NT5DC3: variants seen among roughly 807,000 people sequenced by gnomAD.
NT5DC3 encodes the protein 5'-nucleotidase domain containing 3.
Under a neutral mutation model 67.8 loss-of-function variants are expected in NT5DC3, and 42 were observed. The observed-to-expected ratio is 0.62, with a 90% CI of 0.48 to 0.80. The LOEUF (loss-of-function observed/expected upper bound fraction) is 0.80. Ranked by LOEUF, NT5DC3 falls within the 30% of genes least tolerant of loss-of-function variation. NT5DC3 has a pLI of 0.00. For synonymous variants in NT5DC3, 237 were observed against 255.6 expected, an observed-to-expected ratio of 0.93 and a Z score of 0.69; for missense variants, 570 against 696.4, an observed-to-expected ratio of 0.82 and a Z score of 2.04.
chr12:103,798,982 C>T (rs4964806), intron 4 of NT5DC3, among the ~76,000 whole-genome samples: 41,416 of 152,012 alleles, frequency 0.27, 6,108 homozygotes, highest in East Asian at 0.58. Context: ...GAGGGAGGCA[C>T]CATTATTCTT....
At chr12:103,794,055 G>C in intron 6 of NT5DC3, 58 bp from the exon 7 acceptor site, 1 of 1,349,972 alleles carries the variant, frequency 7.4e-7, no homozygotes, top group Non-Finnish European at 1.1e-6. Flanking sequence ...CTGAGTAACA[G>C]TACAAGTGAA....
chr12:103,814,895 GA>G (rs765953069), intron 2 of NT5DC3, 41 bp downstream of exon 2: 2 of 1,506,026 alleles, frequency 1.3e-6, no homozygotes, highest in Non-Finnish European at 1.8e-6. Context: ...GTTCTAAGAG[GA>G]AAAGGGGAGG....
At chr12:103,762,054 C>T in the NT5DC3 span, among the ~76,000 whole-genome samples, 1 of 152,178 alleles carries the variant, frequency 6.6e-6, no homozygotes, top group South Asian at 2.1e-4. Context: ...CCAGTTCTCC[C>T]ACAATAATAA....
At chr12:103,780,984 AT>A (rs5800598) in intron 12 of NT5DC3, among the ~76,000 whole-genome samples, 57,945 of 151,696 alleles carry the variant, frequency 0.38, 12,150 homozygotes, top group East Asian at 0.88. Context: ...AAAAACAATT[AT>A]TTTTTTGCAA....
downstream of NT5DC3, chr12:103,770,634 CTA>C (rs1461614748): frequency 6.6e-6 from 1 of 152,176 alleles, no homozygotes; most frequent in African/African-American, 2.4e-5. Flanking sequence ...TGGGGTTTCA[CTA>C]TGTTACCCAG....
At chr12:103,750,708 C>T in the NT5DC3 span, 2 of 1,613,434 alleles carry the variant, frequency 1.2e-6, no homozygotes, top group African/African-American at 2.7e-5. Flanking sequence ...ATGTGTCGAC[C>T]TCCACTTCCA....
At chr12:103,758,153 T>C in the NT5DC3 span, 162,162 of 1,613,630 alleles carry the variant, frequency 0.1, 10,495 homozygotes, top group East Asian at 0.3. Flanking sequence ...CTCTGATGAC[T>C]TCCTTCTTCT....
intron 4 of NT5DC3, among the ~76,000 whole-genome samples, chr12:103,800,946 C>T (rs1245596919): frequency 6.6e-6 from 1 of 152,176 alleles, no homozygotes; most frequent in East Asian, 1.9e-4. Flanking sequence ...GGAGCTACCA[C>T]GTATAGAACA....
chr12:103,763,702 AAGGT>A, the NT5DC3 span: 1 of 1,183,238 alleles, frequency 8.5e-7, no homozygotes, highest in Non-Finnish European at 1.2e-6. Context: ...TGTACCAAAG[AAGGT>A]TCATTTCTAG....
chr12:103,759,233 G>T, the NT5DC3 span: 1 of 1,614,184 alleles, frequency 6.2e-7, no homozygotes, highest in South Asian at 1.1e-5. Context: ...AGGCTGGGAA[G>T]CAAGCTGCTC....
downstream of NT5DC3, chr12:103,766,476 G>C (rs892327278): frequency 2.0e-6 from 2 of 1,002,952 alleles, no homozygotes; most frequent in African/African-American, 3.3e-5. Context: ...GCTGATCTGG[G>C]GGTTGTTTCT....
chr12:103,833,489 A>C (rs1888016365), intron 1 of NT5DC3, among the ~76,000 whole-genome samples: 1 of 152,192 alleles, frequency 6.6e-6, no homozygotes. Flanking sequence ...TCTTATGCTT[A>C]TACACGCTAA....
the NT5DC3 span, among the ~76,000 whole-genome samples, chr12:103,757,037 T>C: frequency 1.4e-5 from 2 of 142,322 alleles, no homozygotes; most frequent in African/African-American, 5.1e-5. Flanking sequence ...ATATAAAATA[T>C]ATATATTAAA....
At chr12:103,747,492 C>A in the NT5DC3 span, among the ~76,000 whole-genome samples, 3 of 152,138 alleles carry the variant, frequency 2.0e-5, no homozygotes, top group Non-Finnish European at 2.9e-5. Flanking sequence ...ATACCATAAG[C>A]CCAGCCTGGA....
chr12:103,760,631 G>C, the NT5DC3 span, among the ~76,000 whole-genome samples: 1 of 152,182 alleles, frequency 6.6e-6, no homozygotes, highest in East Asian at 1.9e-4. Flanking sequence ...GATACTGATG[G>C]AGATGACCGT....
chr12:103,749,303 G>A, the NT5DC3 span: 1 of 938,108 alleles, frequency 1.1e-6, no homozygotes, highest in Admixed American at 3.0e-5. Flanking sequence ...AAAGTCATTG[G>A]GCTAAATGCA....
rs1461963890 is a variant in NT5DC3, at chr12:103,793,057, T to A, written c.1019+107A>T. 6 of 797,062 alleles carry A rather than the reference T, an allele frequency of 7.5e-6. No homozygotes were observed. The South Asian group carries it at 7.6e-5, about 10-fold the overall frequency. The allele number at this position is 797,062 out of a possible 1,614,324, so 49.4% of individuals were successfully genotyped here. ...AAGGGTTAAAATTCAAAAGCTATAA[T>A]CTCACATGCTTATGATTTTGCAACT... On this transcript the variant is annotated intron_variant, in intron 9 of 13. Coordinates refer to ENST00000392876, the MANE Select transcript of NT5DC3 (RefSeq NM_001031701.3).
intron 4 of NT5DC3, among the ~76,000 whole-genome samples, chr12:103,799,283 G>A (rs1055649190): frequency 3.9e-5 from 6 of 152,242 alleles, no homozygotes; most frequent in East Asian, 1.9e-4. Context: ...GTTTGGCTGC[G>A]TCCCCACCTA....
chr12:103,770,021 C>T (rs1395094459), downstream of NT5DC3, among the ~76,000 whole-genome samples: 2 of 152,196 alleles, frequency 1.3e-5, no homozygotes, highest in African/African-American at 2.4e-5. Flanking sequence ...TGTGCAGCCA[C>T]GAGGCAGTTT....
Sources: allele counts gnomAD v4.1 joint callset (sites outside exome capture counted in the v4.1 genomes callset), GRCh38; gene constraint gnomAD v4.1.1; transcripts MANE v1.5; gene names NCBI Gene and HGNC (gene_info 2026-07-23, HGNC 2026-07-21).